PC: variants seen among roughly 807,000 people sequenced by gnomAD.
The protein encoded by PC is pyruvate carboxylase, also known as pyruvate carboxylase, mitochondrial.
A neutral mutation model predicts 107.8 loss-of-function variants in PC; 46 were observed. That is an observed-to-expected ratio of 0.43 (90% CI 0.34 to 0.55). The LOEUF (loss-of-function observed/expected upper bound fraction) is 0.55. Ranked by LOEUF, PC falls within the 20% of genes least tolerant of loss-of-function variation. The pLI is 0.04. For missense variants in PC, 1,241 were observed against 1,643.1 expected, an observed-to-expected ratio of 0.76 and a Z score of 4.23; for synonymous variants, 662 against 684.7, an observed-to-expected ratio of 0.97 and a Z score of 0.52.
At chr11:66,872,475 A>G (rs1354399451) in intron 3 of PC, among the ~76,000 whole-genome samples, 1 of 152,072 alleles carries the variant, frequency 6.6e-6, no homozygotes, top group Non-Finnish European at 1.5e-5. Context: ...TACAGGTGTG[A>G]GCTGCCGTAC....
chr11:66,927,718 C>T (rs1948751051), intron 3 of PC, among the ~76,000 whole-genome samples: 2 of 145,172 alleles, frequency 1.4e-5, no homozygotes, highest in Admixed American at 6.9e-5. Flanking sequence ...AGCGAAAGTC[C>T]GTCTCAAAAA....
At chr11:66,944,045 C>G (rs7103428) in intron 3 of PC, among the ~76,000 whole-genome samples, 23,247 of 94,436 alleles carry the variant, frequency 0.25, 3,597 homozygotes, top group Non-Finnish European at 0.3. Flanking sequence ...ACTTTGGGAG[C>G]CCGAGGCGGG....
chr11:66,916,108 G>A (rs578084792), intron 3 of PC, among the ~76,000 whole-genome samples: 174 of 152,322 alleles, frequency 1.1e-3, no homozygotes, highest in African/African-American at 3.9e-3. Context: ...AATGCGCTCT[G>A]TGCAGGGGCC....
chr11:66,881,042 G>T (rs1029386902), intron 3 of PC, among the ~76,000 whole-genome samples: 1 of 152,224 alleles, frequency 6.6e-6, no homozygotes, highest in African/African-American at 2.4e-5. Context: ...TCAGGTTACA[G>T]TTACACGCCT....
At chr11:66,861,966 G>A (rs1251107217) in intron 12 of PC, among the ~76,000 whole-genome samples, 9 of 152,118 alleles carry the variant, frequency 5.9e-5, no homozygotes, top group Admixed American at 2.0e-4. Context: ...AGCTTGGCAC[G>A]TGGGGAGCTG....
Position 66,857,754 on chromosome 11 carries a change from C to A in PC, c.1369-4371G>T. ...CTACAGGGCGCTCACCATGGCCCCG[C>A]CGCTCCTGCTGCTGCTGCTGGCCAG... is the stretch of plus-strand genomic sequence containing the variant. On this transcript the variant is annotated intron_variant, in intron 12 of 22. Transcript: ENST00000393960. This position sits in a 1 kb window ranked among gnomAD's most constrained non-coding sequence, Gnocchi z 7.1. 1 of 1,593,000 alleles carries A rather than the reference C, an allele frequency of 6.3e-7. No individual in the cohort carries two copies. The highest frequency in any genetic ancestry group is 8.5e-7 in the Non-Finnish European group (1 of 1,176,268).
rs1292214424 is a variant in PC at position 66,930,969 on chromosome 11, G to C, written c.-1+21461C>G. ...GCTGAGCAAGTCACAGAAATCTACTGTAGGATTCCATGTCCAGGTGTTCAA... is the reference window on the plus strand; with the variant it reads ...GCTGAGCAAGTCACAGAAATCTACTCTAGGATTCCATGTCCAGGTGTTCAA... On this transcript the variant is annotated intron_variant, in intron 3 of 22. Transcript: ENST00000393960. Among the ~76,000 whole-genome samples the C allele has an allele frequency of 5.3e-5, 8 of 152,158 alleles. No homozygotes were observed. The East Asian group carries it at 5.8e-4, about 11-fold the overall frequency.
At chr11:66,946,552 G>A (rs751903674) in intron 3 of PC, among the ~76,000 whole-genome samples, 2 of 152,076 alleles carry the variant, frequency 1.3e-5, no homozygotes, top group Admixed American at 6.6e-5. Context: ...CCCAGCAGGC[G>A]GAGGTTGCAA....
chr11:66,874,338 T>C (rs921495537), intron 3 of PC, among the ~76,000 whole-genome samples: 1 of 152,204 alleles, frequency 6.6e-6, no homozygotes, highest in Non-Finnish European at 1.5e-5. Context: ...TCTACCCGCC[T>C]CGGCCTCACA....
In PC at chr11:66,850,470, G is replaced by A; in HGVS notation, c.2474-6C>T. On this transcript the variant is annotated splice_polypyrimidine_tract_variant and splice_region_variant and intron_variant, in intron 18 of 22. Coordinates refer to ENST00000393960, the MANE Select transcript of PC (RefSeq NM_001040716.2). ...CACGCGCTCCATGGGCACCTCTGCA[G>A]GGAGGCCAGAGTCAGAGGAGGCCTT... 4.3e-6 allele frequency: 7 copies of A among 1,613,878 alleles called. No homozygotes were observed. Among genetic ancestry groups the A allele is most frequent in the Non-Finnish European group, 5.9e-6 (7 of 1,180,030 alleles).
chr11:66,870,279 A>T lies in PC; in HGVS notation c.903+23T>A. ...GCCTGTGAGCACAGGCTCCTGTCCC[A>T]ACACGGGAAGCCCACCCTTCACCTG... On this transcript the variant is annotated intron_variant, in intron 9 of 22. Transcript: ENST00000393960. The surrounding 1 kb of genome is among the most constrained non-coding windows in gnomAD (Gnocchi z 6.1). 1 of 1,611,802 alleles carries T rather than the reference A, an allele frequency of 6.2e-7. No individual in the cohort carries two copies. The highest frequency in any genetic ancestry group is 8.5e-7 in the Non-Finnish European group (1 of 1,179,898).
intron 3 of PC, among the ~76,000 whole-genome samples, chr11:66,879,128 G>A (rs1282671311): frequency 6.6e-6 from 1 of 152,152 alleles, no homozygotes; most frequent in East Asian, 1.9e-4. Flanking sequence ...CCACACAGCT[G>A]GAAGGCCCAC....
At chr11:66,867,641 A>G (rs1946549877) in intron 10 of PC, among the ~76,000 whole-genome samples, 1 of 152,188 alleles carries the variant, frequency 6.6e-6, no homozygotes, top group Non-Finnish European at 1.5e-5. Flanking sequence ...GAGCTCACCC[A>G]GGCTCCACGT....
intron 3 of PC, among the ~76,000 whole-genome samples, chr11:66,951,063 A>C (rs759612812): frequency 3.3e-5 from 5 of 152,090 alleles, no homozygotes; most frequent in Non-Finnish European, 2.9e-5. Context: ...CCCAAGACCT[A>C]GCTCCAAGGG....
chr11:66,908,622 C>A (rs1212072205), intron 3 of PC, among the ~76,000 whole-genome samples: 1 of 152,182 alleles, frequency 6.6e-6, no homozygotes, highest in Non-Finnish European at 1.5e-5. Context: ...GAGGCACAGT[C>A]AATAGCTCAC....
chr11:66,917,044 C>CA (rs1325455310), intron 3 of PC, among the ~76,000 whole-genome samples: 2 of 151,916 alleles, frequency 1.3e-5, no homozygotes, highest in Non-Finnish European at 2.9e-5. Flanking sequence ...ATCTACAAAC[C>CA]AAGAGCCCTC....
chr11:66,900,174 C>T (rs918860915), intron 3 of PC, among the ~76,000 whole-genome samples: 3 of 115,146 alleles, frequency 2.6e-5, no homozygotes, highest in Non-Finnish European at 3.4e-5. Context: ...AGTCCTCCAA[C>T]GTTGTTTTTT....
intron 3 of PC, chr11:66,907,838 A>G (rs1948214323): frequency 6.6e-6 from 1 of 152,392 alleles, no homozygotes; most frequent in South Asian, 2.1e-4. Flanking sequence ...GTTGGTCTGC[A>G]GAGTTCCAGA....
rs45584036 is a variant in PC at position 66,850,358 on chromosome 11, G to A, written c.2580C>T (p.Asp860=). Residue 860 remains aspartate (D), a synonymous_variant, in exon 19 of 23, where the codon GAC becomes GAT. Transcript: ENST00000393960. ...CTATMKSGNS[D]VYENEIPGGQ... ...CCCCTGGGATCTCATTTTCATACACGTCCGAGTTGCCAGACTTCATGGTGG... is the reference window on the plus strand; with the variant it reads ...CCCCTGGGATCTCATTTTCATACACATCCGAGTTGCCAGACTTCATGGTGG... 3,662 of 1,614,054 alleles carry A rather than the reference G, an allele frequency of 2.3e-3. 77 individuals are homozygous for A. The African/African-American group carries it at 0.043, about 19-fold the overall frequency.
Sources: allele counts gnomAD v4.1 joint callset (sites outside exome capture counted in the v4.1 genomes callset), GRCh38; gene constraint gnomAD v4.1.1; non-coding constraint Gnocchi (gnomAD v3.1); transcripts MANE v1.5; gene names NCBI Gene and HGNC (gene_info 2026-07-23, HGNC 2026-07-21).